RTN4RL1: variants seen among roughly 807,000 people sequenced by gnomAD.
RTN4RL1 encodes the protein reticulon 4 receptor like 1.
RTN4RL1 carries 7 observed loss-of-function variants against 25.6 expected under a neutral mutation model. The observed-to-expected ratio is 0.27, with a 90% CI of 0.16 to 0.51. RTN4RL1 has a LOEUF of 0.51. Among genes scored for constraint, RTN4RL1 ranks in the 20% least tolerant of loss-of-function variants. The probability of loss-of-function intolerance (pLI) is 0.97; values close to 1 mark genes in which losing one functional copy is unlikely to be tolerated. For missense variants in RTN4RL1, 500 were observed against 615.6 expected (o/e 0.81, Z 1.99); for synonymous variants, 297 against 288.2 (o/e 1.03, Z -0.31).
chr17:2,025,098 G>A lies in RTN4RL1; in HGVS notation c.-233C>T, dbSNP rs988120510. 6 of 382,470 alleles carry A rather than the reference G, an allele frequency of 1.6e-5. No homozygotes were observed. The highest frequency in any genetic ancestry group is 4.7e-5 in the Admixed American group (1 of 21,354). The allele number at this position is 382,470 out of a possible 1,614,324, so 23.7% of individuals were successfully genotyped here. A position where few individuals can be genotyped will look rare whatever the true frequency, so the allele number is the denominator to read the frequency against. ...GTGGTGCTGCCCGGCAGCCCCGCGC[G>A]CTTGCTCAGCCCCGGGGCGAGCGGC... On this transcript the variant is annotated 5_prime_UTR_variant, in exon 1 of 2. Coordinates refer to ENST00000331238, the MANE Select transcript of RTN4RL1 (RefSeq NM_178568.4). The surrounding 1 kb of genome is among the most constrained non-coding windows in gnomAD (Gnocchi z 4.8).
intron 1 of RTN4RL1, among the ~76,000 whole-genome samples, chr17:2,006,813 A>G (rs1432959741): frequency 1.3e-5 from 2 of 151,900 alleles, no homozygotes; most frequent in Non-Finnish European, 1.5e-5. Context: ...TTTTTAGTAG[A>G]GACGGGGTTT....
chr17:2,004,924 C>G (rs998503729), intron 1 of RTN4RL1, among the ~76,000 whole-genome samples: 17 of 152,252 alleles, frequency 1.1e-4, no homozygotes, highest in African/African-American at 3.9e-4. Flanking sequence ...ACCACCGCTG[C>G]TAGCAGTAGG....
chr17:1,936,320 T>C lies in RTN4RL1; in HGVS notation c.*176A>G, dbSNP rs1915302436. The stretch of plus-strand genomic sequence containing the variant: ...AGCGCCACCCCCTCCCGCCTAGGGC[T>C]GTACACTTTGGGTTTATAATCCACA... On this transcript the variant is annotated 3_prime_UTR_variant, in exon 2 of 2. Coordinates refer to ENST00000331238, the MANE Select transcript of RTN4RL1 (RefSeq NM_178568.4). 7.0e-7 allele frequency: 1 copy of C among 1,421,880 alleles called. No homozygotes were observed. The highest frequency in any genetic ancestry group is 9.1e-7 in the Non-Finnish European group (1 of 1,094,454). The allele number at this position is 1,421,880 out of a possible 1,614,324, so 88.1% of individuals were successfully genotyped here. A position where few individuals can be genotyped will look rare whatever the true frequency, so the allele number is the denominator to read the frequency against.
At chr17:2,008,538 G>C (rs894683236) in intron 1 of RTN4RL1, among the ~76,000 whole-genome samples, 1 of 151,930 alleles carries the variant, frequency 6.6e-6, no homozygotes, top group Non-Finnish European at 1.5e-5. Context: ...TCTTCTTTTT[G>C]CCAATCTGTA....
chr17:1,937,773 C>T lies in RTN4RL1; in HGVS notation c.49G>A (p.Ala17Thr), dbSNP rs999368946. Residue 17 changes from alanine (A) to threonine (T), a missense_variant, in exon 2 of 2, where the codon GCG becomes ACG. Physicochemically the swap from Ala to Thr is moderately conservative, Grantham distance 58. Around this residue, in one of 2 missense-constraint regions of RTN4RL1, gnomAD observed 232 missense variants for 341.1 expected, o/e 0.68. Coordinates refer to ENST00000331238, the MANE Select transcript of RTN4RL1 (RefSeq NM_178568.4). Reference protein sequence around the residue: ...CVELLLLLVAAELPLGGGCPR... With the variant: ...CVELLLLLVATELPLGGGCPR... ...CAGCCACCACCCAGGGGCAGCTCCG[C>T]AGCTACCAACAGCAGCAGCAACTCC... is the stretch of plus-strand genomic sequence containing the variant. The T allele has an allele frequency of 3.1e-6, 5 of 1,598,942 alleles. No individual in the cohort carries two copies. The highest frequency in any genetic ancestry group is 4.2e-6 in the Non-Finnish European group (5 of 1,177,166).
At chr17:1,985,456 A>T (rs1283116723) in intron 1 of RTN4RL1, among the ~76,000 whole-genome samples, 2 of 151,748 alleles carry the variant, frequency 1.3e-5, no homozygotes, top group Admixed American at 1.3e-4. Context: ...TACTGAGTCC[A>T]CCCCCTCCTG....
In RTN4RL1 at chr17:2,007,156, C is replaced by G. The variant is rs555466333; in HGVS notation, c.13+17697G>C. ...TGAAAGTCTACAAATACATCAAAATCACACAAATCCCCTGGCCCAAATCAG... is the reference window on the plus strand; with the variant it reads ...TGAAAGTCTACAAATACATCAAAATGACACAAATCCCCTGGCCCAAATCAG... On this transcript the variant is annotated intron_variant, in intron 1 of 1. Transcript: ENST00000331238. 3.9e-5 allele frequency among the ~76,000 whole-genome samples: 6 copies of G among 152,182 alleles called. No individual in the cohort carries two copies. The South Asian group carries it at 1.0e-3, about 26-fold the overall frequency.
At chr17:1,944,455 A>G (rs1454584481) in intron 1 of RTN4RL1, among the ~76,000 whole-genome samples, 1 of 151,796 alleles carries the variant, frequency 6.6e-6, no homozygotes, top group Admixed American at 6.6e-5. Flanking sequence ...TTCTCCGGCC[A>G]AACACCTTAG....
At chr17:1,995,287 A>G (rs6503147) in intron 1 of RTN4RL1, among the ~76,000 whole-genome samples, 76,968 of 151,932 alleles carry the variant, frequency 0.51, 19,703 homozygotes, top group Middle Eastern at 0.56. Context: ...TTAGCCGGGC[A>G]TGGTGGTAGG....
At chr17:1,988,872 A>T (rs1160504228) in intron 1 of RTN4RL1, among the ~76,000 whole-genome samples, 1 of 149,728 alleles carries the variant, frequency 6.7e-6, no homozygotes, top group African/African-American at 2.6e-5. Flanking sequence ...CAGAAAGAAA[A>T]TAGTCAGCAT....
At chr17:1,979,213 C>A (rs889502039) in intron 1 of RTN4RL1, among the ~76,000 whole-genome samples, 2 of 152,224 alleles carry the variant, frequency 1.3e-5, no homozygotes, top group Non-Finnish European at 2.9e-5. Flanking sequence ...GCAAAGGTTG[C>A]AGTGAGCCAA....
At position 1,994,469 on chromosome 17, in the gene RTN4RL1, T is replaced by C. The variant is rs889835600; in HGVS notation, c.13+30384A>G. On this transcript the variant is annotated intron_variant, in intron 1 of 1. Coordinates refer to ENST00000331238, the MANE Select transcript of RTN4RL1 (RefSeq NM_178568.4). This position sits in a 1 kb window ranked among gnomAD's most constrained non-coding sequence, Gnocchi z 4.3. ...CCTGAATATCCTCGGCCTCATCCCC[T>C]GATATTCTCAATTCTCAGGTCAGAA... is the stretch of plus-strand genomic sequence containing the variant. Among the ~76,000 whole-genome samples, 44 of 152,190 alleles carry C rather than the reference T, an allele frequency of 2.9e-4. No homozygotes were observed. Among genetic ancestry groups the C allele is most frequent in the African/African-American group, 8.2e-4 (34 of 41,454 alleles).
chr17:1,982,570 C>T (rs982845684), intron 1 of RTN4RL1, among the ~76,000 whole-genome samples: 10 of 152,036 alleles, frequency 6.6e-5, no homozygotes, highest in Admixed American at 2.6e-4. Flanking sequence ...GCCGAGATCG[C>T]GCCACTGCAC....
chr17:1,949,354 C>T (rs1476146262), intron 1 of RTN4RL1, among the ~76,000 whole-genome samples: 5 of 152,214 alleles, frequency 3.3e-5, no homozygotes, highest in Non-Finnish European at 7.4e-5. Context: ...GCCTCAGCCT[C>T]CCAAAGTGCT....
intron 1 of RTN4RL1, among the ~76,000 whole-genome samples, chr17:2,020,927 C>T (rs1006147281): frequency 6.6e-6 from 1 of 152,236 alleles, no homozygotes; most frequent in South Asian, 2.1e-4. Flanking sequence ...GCGGGCCGCC[C>T]TTCCTTCCTG....
rs553515174 is a variant in RTN4RL1, at chr17:1,946,717, GTC to G, written c.14-8911_14-8910del. Among the ~76,000 whole-genome samples, 23 of 145,082 alleles carry G rather than the reference GTC, an allele frequency of 1.6e-4. No homozygotes were observed. In the East Asian group the frequency reaches 4.5e-3, roughly 28 times the overall value. ...GTGTGTGTGCACGGGGTCTGTGTGT[GTC>G]TCTGTGTGAATATGTGTGTGCACGG... On this transcript the variant is annotated intron_variant, in intron 1 of 1. Transcript: ENST00000331238.
rs545335258 is a variant in RTN4RL1, at chr17:1,937,393, G to A, written c.429C>T (p.Gly143=). 1.1e-5 allele frequency: 18 copies of A among 1,613,696 alleles called. No homozygotes were observed. The highest frequency in any genetic ancestry group is 8.9e-5 in the East Asian group (4 of 44,872). ...YKCGLSALPA[G]VFGGLHSLQY... Reference sequence around the variant, plus strand: ...GCAGGCTGTGCAGGCCGCCAAAGACGCCGGCCGGCAAGGCGCTGAGCCCAC... The same window carrying A: ...GCAGGCTGTGCAGGCCGCCAAAGACACCGGCCGGCAAGGCGCTGAGCCCAC... The change falls in exon 2 of 2, where the codon GGC becomes GGT. Residue 143 remains glycine, a synonymous_variant. Coordinates refer to ENST00000331238, the MANE Select transcript of RTN4RL1 (RefSeq NM_178568.4).
chr17:2,007,333 CCCCA>C (rs199918552), intron 1 of RTN4RL1, among the ~76,000 whole-genome samples: 85 of 116,418 alleles, frequency 7.3e-4, no homozygotes, highest in Admixed American at 4.3e-3. Flanking sequence ...ATGTTCACAG[CCCCA>C]ACACACACAC....
chr17:2,017,058 C>G (rs1294796634), intron 1 of RTN4RL1, among the ~76,000 whole-genome samples: 4 of 152,216 alleles, frequency 2.6e-5, no homozygotes, highest in Admixed American at 6.5e-5. Context: ...ATCCTATCGC[C>G]GTATAAATAA....
Sources: allele counts gnomAD v4.1 joint callset (sites outside exome capture counted in the v4.1 genomes callset), GRCh38; gene constraint gnomAD v4.1.1; regional missense constraint gnomAD v4.1.1; non-coding constraint Gnocchi (gnomAD v3.1); transcripts MANE v1.5; gene names NCBI Gene and HGNC (gene_info 2026-07-23, HGNC 2026-07-21).